GAS2: variants seen among roughly 807,000 people sequenced by gnomAD.
The protein encoded by GAS2 is growth arrest specific 2.
In GAS2, 20 loss-of-function variants were observed where a neutral mutation model predicts 37.5. The observed-to-expected ratio is 0.53, with a 90% confidence interval of 0.37 to 0.77. The LOEUF is 0.77. GAS2 is among the 30% of genes least tolerant of loss of function. GAS2 has a pLI of 0.00. For missense variants in GAS2, 336 were observed against 373.4 expected, an observed-to-expected ratio of 0.90 and a Z score of 0.82; for synonymous variants, 144 against 132.2, an observed-to-expected ratio of 1.09 and a Z score of -0.61.
intron 7 of GAS2, among the ~76,000 whole-genome samples, chr11:22,775,739 A>G (rs1855225336): frequency 6.6e-6 from 1 of 152,172 alleles, no homozygotes; most frequent in South Asian, 2.1e-4. Flanking sequence ...AAAAGCACAG[A>G]CTAGTGCTCC....
At chr11:22,794,928 A>G (rs1856353282) in intron 7 of GAS2, among the ~76,000 whole-genome samples, 2 of 152,174 alleles carry the variant, frequency 1.3e-5, no homozygotes, top group South Asian at 4.1e-4. Context: ...TCTTGTGTAG[A>G]TTACTCCCTC....
chr11:22,724,857 A>T (rs1401247399), intron 3 of GAS2, among the ~76,000 whole-genome samples: 1 of 152,080 alleles, frequency 6.6e-6, no homozygotes, highest in Non-Finnish European at 1.5e-5. Flanking sequence ...CTGGAACTCT[A>T]GTAAGAACTC....
chr11:22,704,624 T>TATATATATATA (rs1565098343), intron 3 of GAS2, among the ~76,000 whole-genome samples: 219 of 140,308 alleles, frequency 1.6e-3, no homozygotes, highest in African/African-American at 2.7e-3. Context: ...TATATATATA[T>TATATATATATA]TTTGCTCATC....
intron 3 of GAS2, among the ~76,000 whole-genome samples, chr11:22,687,288 C>G (rs1435093457): frequency 3.9e-5 from 6 of 151,960 alleles, no homozygotes; most frequent in African/African-American, 1.5e-4. Flanking sequence ...GATCACAACA[C>G]TGCACTCCAG....
chr11:22,731,743 T>A (rs1265485496), intron 4 of GAS2, among the ~76,000 whole-genome samples: 1 of 151,832 alleles, frequency 6.6e-6, no homozygotes, highest in East Asian at 1.9e-4. Context: ...TTGTCTATAT[T>A]GAAGACTATA....
Position 22,812,026 on chromosome 11 carries a change from G to A in GAS2, c.*10G>A, listed in dbSNP as rs1247820993. ...GAAGGAAATTAAGTGAAACAAATTG[G>A]TCATGACAAGGGGACCCTCATAATG... On this transcript the variant is annotated 3_prime_UTR_variant, in exon 8 of 8. Coordinates refer to ENST00000454584, the MANE Select transcript of GAS2 (RefSeq NM_001143830.3). The A allele has an allele frequency of 6.2e-7, 1 of 1,605,580 alleles. No individual in the cohort carries two copies. Among genetic ancestry groups the A allele is most frequent in the Non-Finnish European group, 8.5e-7 (1 of 1,172,352 alleles).
At chr11:22,713,645 G>T (rs57459740) in intron 3 of GAS2, among the ~76,000 whole-genome samples, 2 of 152,154 alleles carry the variant, frequency 1.3e-5, no homozygotes, top group African/African-American at 4.8e-5. Flanking sequence ...AAACCTATCA[G>T]ATTAACAGGA....
chr11:22,647,164 T>C (rs866684952), intron 1 of GAS2, among the ~76,000 whole-genome samples: 3,309 of 147,626 alleles, frequency 0.022, 103 homozygotes, highest in African/African-American at 0.078. Context: ...TGAGTGAGAA[T>C]ATGCAGTGTT....
At chr11:22,653,285 G>A (rs1427988740) in intron 1 of GAS2, among the ~76,000 whole-genome samples, 1 of 152,044 alleles carries the variant, frequency 6.6e-6, no homozygotes, top group East Asian at 1.9e-4. Flanking sequence ...ATCATTTAGT[G>A]TATAGGAAGA....
chr11:22,737,993 C>T (rs77530253), intron 5 of GAS2, among the ~76,000 whole-genome samples: 3,660 of 152,270 alleles, frequency 0.024, 58 homozygotes, highest in Non-Finnish European at 0.035. Flanking sequence ...TATGTCTAAG[C>T]ATTTGCTAAT....
intron 4 of GAS2, among the ~76,000 whole-genome samples, chr11:22,732,052 T>C (rs549875997): frequency 1.3e-5 from 2 of 151,740 alleles, no homozygotes; most frequent in African/African-American, 2.4e-5. Context: ...TACACAACTT[T>C]TAAATGGCCC....
chr11:22,784,414 A>G (rs1418163531), intron 7 of GAS2, among the ~76,000 whole-genome samples: 1 of 152,184 alleles, frequency 6.6e-6, no homozygotes, highest in African/African-American at 2.4e-5. Context: ...CAGATAGTTC[A>G]TATTCCTTAC....
chr11:22,674,445 C>T (rs1121196), intron 1 of GAS2, among the ~76,000 whole-genome samples: 95,057 of 151,988 alleles, frequency 0.63, 30,924 homozygotes, highest in East Asian at 0.83. Flanking sequence ...CTGTCATTGC[C>T]AGTGTTCAGT....
rs2133888182 is a variant in GAS2 at position 22,674,859 on chromosome 11, G to C, written c.-11G>C. On this transcript the variant is annotated 5_prime_UTR_variant, in exon 2 of 8. Transcript: ENST00000454584. The stretch of plus-strand genomic sequence containing the variant: ...TTTGTTTCCAAAACAGGTATTACAA[G>C]TGGATAAATAATGTGCACTGCTCTG... The C allele has an allele frequency of 6.4e-7, 1 of 1,570,276 alleles. No homozygotes were observed. The highest frequency in any genetic ancestry group is 2.3e-5 in the East Asian group (1 of 43,738).
chr11:22,761,935 T>C (rs576636661), intron 7 of GAS2, among the ~76,000 whole-genome samples: 11 of 152,188 alleles, frequency 7.2e-5, no homozygotes, highest in Non-Finnish European at 1.6e-4. Context: ...AATATACTAA[T>C]GTGATCTGCA....
chr11:22,757,138 C>T (rs1854087677), intron 7 of GAS2, among the ~76,000 whole-genome samples: 1 of 152,004 alleles, frequency 6.6e-6, no homozygotes, highest in Non-Finnish European at 1.5e-5. Flanking sequence ...GTTAATAAAG[C>T]ACATGATTAA....
chr11:22,717,208 A>C (rs2134116601), intron 3 of GAS2, among the ~76,000 whole-genome samples: 1 of 152,324 alleles, frequency 6.6e-6, no homozygotes, highest in Non-Finnish European at 1.5e-5. Flanking sequence ...CTAAGCAAAA[A>C]GAACAAATCC....
At chr11:22,662,629 A>C (rs1236147216), upstream of GAS2, among the ~76,000 whole-genome samples, 1 of 152,096 alleles carries the variant, frequency 6.6e-6, no homozygotes, top group Admixed American at 6.5e-5. Flanking sequence ...ATTTAGAAGC[A>C]AACTACAAGA....
intron 7 of GAS2, among the ~76,000 whole-genome samples, chr11:22,803,296 G>C (rs990851121): frequency 2.0e-5 from 3 of 152,078 alleles, no homozygotes; most frequent in Admixed American, 2.0e-4. Flanking sequence ...GTTTTCTTCT[G>C]AAATAATTAG....
Sources: allele counts gnomAD v4.1 joint callset (sites outside exome capture counted in the v4.1 genomes callset), GRCh38; gene constraint gnomAD v4.1.1; transcripts MANE v1.5; gene names NCBI Gene and HGNC (gene_info 2026-07-23, HGNC 2026-07-21).